SLC4A4: variants seen among roughly 807,000 people sequenced by gnomAD.
The protein encoded by SLC4A4 is solute carrier family 4 member 4.
SLC4A4 carries 27 observed loss-of-function variants against 111.5 expected under a neutral mutation model. That is an observed-to-expected ratio of 0.24 (90% CI 0.18 to 0.33). The LOEUF is 0.33. SLC4A4 is among the 10% of genes least tolerant of loss of function. SLC4A4 has a pLI of 1.00. For missense variants in SLC4A4, 909 were observed against 1,315.5 expected (o/e 0.69, Z 4.78); for synonymous variants, 443 against 463.4 (o/e 0.96, Z 0.57).
At chr4:71,423,510 C>T (rs907263259) in intron 7 of SLC4A4, among the ~76,000 whole-genome samples, 19 of 152,134 alleles carry the variant, frequency 1.2e-4, no homozygotes, top group African/African-American at 4.1e-4. Flanking sequence ...CATATGGAAC[C>T]AAAAAAGAGC....
intron 2 of SLC4A4, among the ~76,000 whole-genome samples, chr4:71,095,811 T>A (rs1184122456): frequency 6.6e-6 from 1 of 152,174 alleles, no homozygotes; most frequent in Non-Finnish European, 1.5e-5. Flanking sequence ...TCTGTAGGTA[T>A]ACATAGGAGG....
At chr4:71,224,301 T>C (rs1718926201) in intron 1 of SLC4A4, among the ~76,000 whole-genome samples, 2 of 152,160 alleles carry the variant, frequency 1.3e-5, no homozygotes, top group Non-Finnish European at 2.9e-5. Context: ...CTCCTCCCGC[T>C]CTTGTTCCTC....
At chr4:71,219,209 G>A (rs553501158) in intron 1 of SLC4A4, among the ~76,000 whole-genome samples, 1 of 152,296 alleles carries the variant, frequency 6.6e-6, no homozygotes, top group South Asian at 2.1e-4. Flanking sequence ...TGCCGCAATC[G>A]TTAGTTAAGT....
At chr4:71,229,412 A>G (rs552009220) in intron 1 of SLC4A4, among the ~76,000 whole-genome samples, 110 of 152,346 alleles carry the variant, frequency 7.2e-4, no homozygotes, top group Admixed American at 2.2e-3. Flanking sequence ...CTCTGGGATA[A>G]GTGCCCAAGA....
intron 1 of SLC4A4, among the ~76,000 whole-genome samples, chr4:71,200,366 C>A (rs979020149): frequency 2.0e-5 from 3 of 152,138 alleles, no homozygotes; most frequent in Non-Finnish European, 4.4e-5. Flanking sequence ...AAGATATTTT[C>A]TGATGTACAT....
At chr4:71,409,994 C>A (rs918440139) in intron 7 of SLC4A4, among the ~76,000 whole-genome samples, 1 of 152,174 alleles carries the variant, frequency 6.6e-6, no homozygotes, top group East Asian at 1.9e-4. Flanking sequence ...GTTGAGCCTG[C>A]GAGCGCACAG....
chr4:71,121,146 C>T (rs1323791662), intron 2 of SLC4A4, among the ~76,000 whole-genome samples: 1 of 152,142 alleles, frequency 6.6e-6, no homozygotes, highest in Non-Finnish European at 1.5e-5. Flanking sequence ...TCTTGCAGGG[C>T]CTCAGCTGCC....
intron 3 of SLC4A4, among the ~76,000 whole-genome samples, chr4:71,261,539 G>T (rs1257921890): frequency 6.6e-6 from 1 of 152,192 alleles, no homozygotes; most frequent in Non-Finnish European, 1.5e-5. Flanking sequence ...ACAATGTTGT[G>T]TTTTGTGTGG....
At chr4:71,551,088 T>A (rs777372525) in intron 20 of SLC4A4, among the ~76,000 whole-genome samples, 1 of 151,854 alleles carries the variant, frequency 6.6e-6, no homozygotes, top group Non-Finnish European at 1.5e-5. Flanking sequence ...GTGAGTATTC[T>A]GTATGGGGAA....
intron 6 of SLC4A4, among the ~76,000 whole-genome samples, chr4:71,374,828 C>A (rs1349943770): frequency 6.6e-6 from 1 of 151,436 alleles, no homozygotes; most frequent in Non-Finnish European, 1.5e-5. Context: ...TGTGAGGATT[C>A]AGACTTGTGC....
At chr4:71,170,876 G>C (rs1274577605) in intron 2 of SLC4A4, among the ~76,000 whole-genome samples, 3 of 152,098 alleles carry the variant, frequency 2.0e-5, no homozygotes, top group African/African-American at 7.2e-5. Context: ...TTTAAAATAA[G>C]GCTTTTAATA....
intron 16 of SLC4A4, among the ~76,000 whole-genome samples, chr4:71,513,336 G>A (rs1002495711): frequency 6.6e-6 from 1 of 151,860 alleles, no homozygotes; most frequent in African/African-American, 2.4e-5. Context: ...TTCTAGAGAT[G>A]TTTCACCCCC....
chr4:71,240,745 A>G (rs942588797), intron 2 of SLC4A4, among the ~76,000 whole-genome samples: 1 of 152,238 alleles, frequency 6.6e-6, no homozygotes, highest in African/African-American at 2.4e-5. Flanking sequence ...AAATGAATGT[A>G]TAACATAAAC....
At chr4:71,258,724 G>C (rs1356199468) in intron 3 of SLC4A4, among the ~76,000 whole-genome samples, 1 of 152,044 alleles carries the variant, frequency 6.6e-6, no homozygotes, top group African/African-American at 2.4e-5. Flanking sequence ...TCCCTGCCCT[G>C]CCTTTCTCCC....
At chr4:71,225,697 G>A (rs182414582) in intron 1 of SLC4A4, among the ~76,000 whole-genome samples, 1 of 152,072 alleles carries the variant, frequency 6.6e-6, no homozygotes, top group Non-Finnish European at 1.5e-5. Flanking sequence ...GAGGTGGGTG[G>A]GTCAGGGGGC....
chr4:71,510,725 A>T (rs1196968721), intron 16 of SLC4A4, among the ~76,000 whole-genome samples: 1 of 152,178 alleles, frequency 6.6e-6, no homozygotes, highest in Non-Finnish European at 1.5e-5. Context: ...GGTAACTTTT[A>T]TAGGTACAGA....
chr4:71,440,770 C>T lies in SLC4A4; in HGVS notation c.962C>T (p.Thr321Ile). The T allele has an allele frequency of 6.2e-7, 1 of 1,614,070 alleles. No individual in the cohort carries two copies. Among genetic ancestry groups the T allele is most frequent in the South Asian group, 1.1e-5 (1 of 91,082 alleles). Residue 321 changes from threonine to isoleucine, a missense_variant, in exon 8 of 26, where the codon ACA becomes ATA. Thr to Ile is a moderately conservative substitution (Grantham distance 89). Around this residue, in one of 7 missense-constraint regions of SLC4A4, gnomAD observed 312 missense variants for 402.0 expected, o/e 0.78. Coordinates refer to ENST00000264485, the MANE Select transcript of SLC4A4 (RefSeq NM_001098484.3). ...GCCCTGACTGAAGTTCCTGTGCCCA[C>T]AAGGTAAGCTGCTCTCCTACCTGGG... ...LGALTEVPVP[T>I]RFLFILLGPK...
chr4:71,192,080 G>A (rs974162119), intron 1 of SLC4A4, among the ~76,000 whole-genome samples: 2 of 152,098 alleles, frequency 1.3e-5, no homozygotes, highest in East Asian at 1.9e-4. Context: ...TATTGAAGAC[G>A]TCTTCTTATT....
intron 20 of SLC4A4, among the ~76,000 whole-genome samples, chr4:71,550,560 C>G (rs1408005765): frequency 2.0e-5 from 3 of 151,784 alleles, no homozygotes; most frequent in Non-Finnish European, 2.9e-5. Flanking sequence ...CCCTTTGTGA[C>G]TATGTGTTTT....
Sources: gnomAD v4.1 joint callset for allele counts (sites outside exome capture counted in the v4.1 genomes callset) on GRCh38, gnomAD v4.1.1 for gene constraint, gnomAD v4.1.1 regional missense constraint, MANE v1.5 for transcripts, NCBI Gene and HGNC (gene_info 2026-07-23, HGNC 2026-07-21) for gene names.